Variants in CDC42BPB observed in about 807,000 individuals in gnomAD.
The protein encoded by CDC42BPB is CDC42 binding protein kinase beta, also known as serine/threonine-protein kinase MRCK beta.
A neutral mutation model predicts 214.9 loss-of-function variants in CDC42BPB; 37 were observed. That is an observed-to-expected ratio of 0.17 (90% CI 0.13 to 0.23). CDC42BPB has a LOEUF of 0.23. CDC42BPB is among the 10% of genes least tolerant of loss of function. The pLI is 1.00. For missense variants in CDC42BPB, 1,694 were observed against 2,227.0 expected (o/e 0.76, Z 4.82); for synonymous variants, 931 against 884.0 (o/e 1.05, Z -0.94).
At chr14:102,948,007 T>A (rs956401613) in intron 26 of CDC42BPB, 1 of 978,976 alleles carries the variant, frequency 1.0e-6, no homozygotes, top group African/African-American at 1.8e-5. Context: ...GGCTTAGGGA[T>A]GCCGCAAGGG....
chr14:102,934,940 G>A (rs765583984), intron 36 of CDC42BPB, among the ~76,000 whole-genome samples: 49 of 151,380 alleles, frequency 3.2e-4, no homozygotes, highest in Non-Finnish European at 7.1e-4. Context: ...AACCCAGGAG[G>A]CGGAGCTTGC....
rs887809231 is a variant in CDC42BPB, at chr14:102,972,744, A to C, written c.1642-583T>G. 4.7e-5 allele frequency among the ~76,000 whole-genome samples: 6 copies of C among 127,580 alleles called. No homozygotes were observed. In the Admixed American group the frequency reaches 5.3e-4, roughly 11 times the overall value. The allele number at this position is 127,580 out of a possible 152,430, so 83.7% of individuals were successfully genotyped here. ...AAAAAAAAAAAAAAAAAAAAAAAAA[A>C]GCCCCACAACCACATGGGGGCAGCG... On this transcript the variant is annotated intron_variant, in intron 12 of 36. Transcript: ENST00000361246.
intron 21 of CDC42BPB, chr14:102,954,897 C>T: frequency 1.4e-6 from 1 of 733,484 alleles, no homozygotes; most frequent in Non-Finnish European, 1.7e-6. Flanking sequence ...GACCCCTGCA[C>T]TTGGCTTCCT....
chr14:103,012,891 G>A (rs1886237262), intron 1 of CDC42BPB, among the ~76,000 whole-genome samples: 1 of 152,220 alleles, frequency 6.6e-6, no homozygotes, highest in African/African-American at 2.4e-5. Flanking sequence ...CGCTGCACAG[G>A]TGTGTAACCC....
intron 1 of CDC42BPB, among the ~76,000 whole-genome samples, chr14:103,049,197 A>G (rs1363796246): frequency 6.6e-6 from 1 of 152,266 alleles, no homozygotes; most frequent in Non-Finnish European, 1.5e-5. Flanking sequence ...CAGTACCAGC[A>G]TGCTACACAG....
At chr14:102,969,869 G>A (rs998337800) in intron 14 of CDC42BPB, among the ~76,000 whole-genome samples, 1 of 152,274 alleles carries the variant, frequency 6.6e-6, no homozygotes, top group Non-Finnish European at 1.5e-5. Context: ...TGGGGCTGGA[G>A]TAGGAAATGA....
chr14:102,969,524 C>T (rs971926953), intron 14 of CDC42BPB, among the ~76,000 whole-genome samples: 2 of 152,246 alleles, frequency 1.3e-5, no homozygotes, highest in African/African-American at 2.4e-5. Flanking sequence ...GGAACAGCAT[C>T]TCAGGCCCAC....
At chr14:102,954,835 G>A in intron 21 of CDC42BPB, 147 bp from the exon 22 acceptor site, 4 of 1,435,494 alleles carry the variant, frequency 2.8e-6, no homozygotes, top group Non-Finnish European at 3.7e-6. Flanking sequence ...ATCACCCCTT[G>A]GGTCTCCTCA....
rs749711259 is a variant in CDC42BPB at position 102,975,743 on chromosome 14, C to T, written c.1448G>A (p.Arg483Gln). The part of the protein sequence containing the change: ...GSSRALSNSN[R>Q]DKEIKKLNEE... ...ATTTAGCTTTTTGATTTCTTTATCT[C>T]GGTTTGAATTGCTGAGGGCCCGAGA... Residue 483 changes from arginine (R) to glutamine (Q), a missense_variant, in exon 11 of 37, where the codon CGA becomes CAA. Physicochemically the swap from Arg to Gln is conservative, Grantham distance 43. This residue lies in a region of CDC42BPB where 462 missense variants were observed against 513.5 expected (regional missense o/e 0.90). Transcript: ENST00000361246. The T allele has an allele frequency of 1.3e-5, 21 of 1,613,938 alleles. No individual in the cohort carries two copies. The highest frequency in any genetic ancestry group is 5.3e-5 in the African/African-American group (4 of 74,912).
chr14:102,994,312 C>T (rs190237905), intron 5 of CDC42BPB, among the ~76,000 whole-genome samples: 1 of 152,256 alleles, frequency 6.6e-6, no homozygotes, highest in Non-Finnish European at 1.5e-5. Flanking sequence ...GCCATTTGCA[C>T]GCACTGGGGG....
chr14:102,949,071 A>C (rs903561735), intron 26 of CDC42BPB, among the ~76,000 whole-genome samples: 1 of 152,156 alleles, frequency 6.6e-6, no homozygotes, highest in Non-Finnish European at 1.5e-5. Flanking sequence ...CACACAACAG[A>C]CGGTGCACGG....
chr14:102,997,630 A>C (rs980317720), intron 5 of CDC42BPB, among the ~76,000 whole-genome samples: 1 of 152,226 alleles, frequency 6.6e-6, no homozygotes, highest in African/African-American at 2.4e-5. Context: ...TCCGGTACGG[A>C]GCTTCATAAC....
intron 1 of CDC42BPB, among the ~76,000 whole-genome samples, chr14:103,023,188 G>A (rs566896583): frequency 7.7e-6 from 1 of 130,630 alleles, no homozygotes; most frequent in African/African-American, 3.0e-5. Flanking sequence ...TTTTTTTTGA[G>A]ATGGAGTCTC....
At position 102,994,541 on chromosome 14, in the gene CDC42BPB, T is replaced by C. The variant is rs923371232; in HGVS notation, c.596+5024A>G. On this transcript the variant is annotated intron_variant, in intron 5 of 36. Transcript: ENST00000361246. ...TGACGGTCCCCATGGGCCACTGTGC[T>C]GGGACTGCCTATGTCCATTCTCCTC... 1.1e-4 allele frequency among the ~76,000 whole-genome samples: 16 copies of C among 152,314 alleles called. 1 individual carries two copies. In the South Asian group the frequency reaches 3.3e-3, roughly 32 times the overall value.
chr14:102,981,169 TCC>T, intron 7 of CDC42BPB, 148 bp from the exon 8 acceptor site: 7 of 1,445,610 alleles, frequency 4.8e-6, no homozygotes, highest in Non-Finnish European at 6.3e-6. Context: ...CTAATAAATT[TCC>T]ATTCCCAAAA....
At chr14:102,935,880 A>G (rs753967663) in intron 36 of CDC42BPB, among the ~76,000 whole-genome samples, 1 of 152,332 alleles carries the variant, frequency 6.6e-6, no homozygotes, top group South Asian at 2.1e-4. Context: ...TACTCAGAAC[A>G]TGCCAGGAGC....
intron 1 of CDC42BPB, among the ~76,000 whole-genome samples, chr14:103,053,710 C>T (rs555672608): frequency 1.0e-3 from 156 of 149,184 alleles, no homozygotes; most frequent in African/African-American, 3.4e-3. Context: ...TGCAGTGAGC[C>T]GAGATCCCGC....
At chr14:102,953,934 G>C (rs1369320980) in intron 23 of CDC42BPB, among the ~76,000 whole-genome samples, 7 of 152,224 alleles carry the variant, frequency 4.6e-5, no homozygotes, top group African/African-American at 1.7e-4. Context: ...GAGAAGGAGA[G>C]TGGGGAGACT....
chr14:102,963,208 G>T, intron 19 of CDC42BPB, 53 bp from the exon 20 acceptor site: 1 of 1,560,366 alleles, frequency 6.4e-7, no homozygotes, highest in Non-Finnish European at 8.7e-7. Flanking sequence ...TTGTCTGTGA[G>T]CTGGTATGGG....
Sources: allele counts gnomAD v4.1 joint callset (sites outside exome capture counted in the v4.1 genomes callset), GRCh38; gene constraint gnomAD v4.1.1; regional missense constraint gnomAD v4.1.1; transcripts MANE v1.5; gene names NCBI Gene and HGNC (gene_info 2026-07-23, HGNC 2026-07-21).